POMT2: variants seen among roughly 807,000 people sequenced by gnomAD.
POMT2 encodes the protein protein O-mannosyl-transferase 2.
In POMT2, 75 loss-of-function variants were observed where a neutral mutation model predicts 100.0. That is an observed-to-expected ratio of 0.75 (90% CI 0.62 to 0.91). The LOEUF is 0.91. Ranked by LOEUF, POMT2 falls within the 40% of genes least tolerant of loss-of-function variation. The pLI is 0.00. For synonymous variants in POMT2, 378 were observed against 374.1 expected (o/e 1.01, Z -0.12); for missense variants, 940 against 955.1 (o/e 0.98, Z 0.21).
chr14:77,316,956 C>T (rs547298965), intron 1 of POMT2, among the ~76,000 whole-genome samples: 1 of 152,334 alleles, frequency 6.6e-6, no homozygotes, highest in East Asian at 1.9e-4. Flanking sequence ...GGATCACTCA[C>T]GTAGGTGCCC....
At chr14:77,287,053 G>A (rs910291933) in intron 11 of POMT2, 14 of 788,396 alleles carry the variant, frequency 1.8e-5, no homozygotes, top group South Asian at 1.1e-4. Flanking sequence ...AGCACTGGAC[G>A]GCATGCCAAG....
At chr14:77,309,296 T>C (rs1891354933) in intron 2 of POMT2, among the ~76,000 whole-genome samples, 1 of 152,256 alleles carries the variant, frequency 6.6e-6, no homozygotes, top group Non-Finnish European at 1.5e-5. Flanking sequence ...GTCTACTACG[T>C]GCAGGCTTTT....
chr14:77,280,957 A>C (rs796693374), intron 15 of POMT2, among the ~76,000 whole-genome samples: 1 of 152,104 alleles, frequency 6.6e-6, no homozygotes, highest in African/African-American at 2.4e-5. Flanking sequence ...AGCTGAGCGT[A>C]GCGGTGGGTG....
At chr14:77,296,975 T>C (rs1216564555) in intron 8 of POMT2, among the ~76,000 whole-genome samples, 1 of 152,170 alleles carries the variant, frequency 6.6e-6, no homozygotes. Flanking sequence ...ACAAGGAAGA[T>C]GGCTTCACAC....
intron 9 of POMT2, among the ~76,000 whole-genome samples, chr14:77,292,930 C>T (rs971200408): frequency 6.6e-6 from 1 of 152,130 alleles, no homozygotes. Context: ...GTTCACCCAA[C>T]GATCAAATCA....
At chr14:77,320,213 T>G in intron 1 of POMT2, 4 of 721,150 alleles carry the variant, frequency 5.5e-6, no homozygotes, top group Non-Finnish European at 9.2e-6. Flanking sequence ...GAGGGCTGCT[T>G]CCTCAGATAC....
rs1890402746 is a variant in POMT2, at chr14:77,285,693, C to T, written c.1333-61G>A. 1.9e-6 allele frequency: 3 copies of T among 1,562,064 alleles called. No individual in the cohort carries two copies. In the South Asian group the frequency reaches 3.3e-5, roughly 17 times the overall value. Reference sequence around the variant, plus strand: ...TGAGGGGACTTTAGAGAAAACGTGTCAGAAAGGGAAATGGCCACCCAGATG... The same window carrying T: ...TGAGGGGACTTTAGAGAAAACGTGTTAGAAAGGGAAATGGCCACCCAGATG... On this transcript the variant is annotated intron_variant, in intron 12 of 20. Transcript: ENST00000261534.
intron 8 of POMT2, among the ~76,000 whole-genome samples, chr14:77,297,406 C>A (rs1890871633): frequency 6.6e-6 from 1 of 152,198 alleles, no homozygotes; most frequent in Non-Finnish European, 1.5e-5. Flanking sequence ...ACAGCTACTG[C>A]CACAGCATCA....
At chr14:77,282,474 T>C (rs1826174439) in intron 15 of POMT2, among the ~76,000 whole-genome samples, 2 of 152,198 alleles carry the variant, frequency 1.3e-5, no homozygotes, top group South Asian at 4.1e-4. Flanking sequence ...CTTTGTTGGC[T>C]GAATAAGAAA....
intron 18 of POMT2, chr14:77,279,345 C>G: frequency 2.7e-6 from 1 of 366,794 alleles, no homozygotes; most frequent in Non-Finnish European, 5.3e-6. Flanking sequence ...GGTCTGGCAG[C>G]CAAAGTTACC....
intron 18 of POMT2, chr14:77,279,578 C>G (rs1301030739): frequency 3.1e-6 from 2 of 639,848 alleles, no homozygotes; most frequent in African/African-American, 1.8e-5. Flanking sequence ...CTCATGGTTC[C>G]TTGGTTTCCT....
At chr14:77,289,818 G>A (rs927432638) in intron 10 of POMT2, among the ~76,000 whole-genome samples, 9 of 152,146 alleles carry the variant, frequency 5.9e-5, no homozygotes, top group Admixed American at 5.9e-4. Context: ...GTGATGACAT[G>A]GAAAAGGAGC....
chr14:77,295,255 T>C (rs983887262), intron 9 of POMT2, among the ~76,000 whole-genome samples: 6 of 152,220 alleles, frequency 3.9e-5, no homozygotes, highest in Admixed American at 1.3e-4. Context: ...TAATCTTTCA[T>C]AAGCACTTCA....
At chr14:77,317,043 C>T (rs890808401) in intron 1 of POMT2, among the ~76,000 whole-genome samples, 7 of 152,196 alleles carry the variant, frequency 4.6e-5, no homozygotes, top group African/African-American at 1.7e-4. Flanking sequence ...AGACTGCTGC[C>T]ATAGCCACCT....
intron 8 of POMT2, 108 bp from the exon 9 acceptor site, chr14:77,296,381 T>C: frequency 1.3e-6 from 1 of 758,870 alleles, no homozygotes; most frequent in Non-Finnish European, 2.3e-6. Context: ...TCTGCGAGAC[T>C]CCCCTGGGCC....
At position 77,285,017 on chromosome 14, in the gene POMT2, A is replaced by T; in HGVS notation, c.1509T>A (p.Thr503=). ...PKWGWEQLEV[T]CTPYLKETLN... Reference sequence around the variant, plus strand: ...GGGTTTCTTTCAGGTATGGGGTGCAAGTAACTTCCAACTGCTCCCAGCCCC... The same window carrying T: ...GGGTTTCTTTCAGGTATGGGGTGCATGTAACTTCCAACTGCTCCCAGCCCC... Residue 503 remains threonine, a synonymous_variant, in exon 14 of 21, where the codon ACT becomes ACA. Transcript: ENST00000261534. 1 of 1,613,266 alleles carries T rather than the reference A, an allele frequency of 6.2e-7. No homozygotes were observed. Among genetic ancestry groups the T allele is most frequent in the Non-Finnish European group, 8.5e-7 (1 of 1,179,234 alleles).
intron 1 of POMT2, among the ~76,000 whole-genome samples, chr14:77,314,541 T>A (rs929835161): frequency 6.6e-6 from 1 of 152,126 alleles, no homozygotes; most frequent in Admixed American, 6.5e-5. Flanking sequence ...AGGAGAGACA[T>A]AGTCTTTGGT....
intron 14 of POMT2, 121 bp downstream of exon 14, chr14:77,284,829 C>T: frequency 1.2e-6 from 1 of 855,356 alleles, no homozygotes; most frequent in Non-Finnish European, 1.9e-6. Context: ...AGAGTGTTAA[C>T]AAGGAACAAA....
intron 1 of POMT2, among the ~76,000 whole-genome samples, chr14:77,313,068 T>C (rs1891497457): frequency 6.6e-6 from 1 of 152,234 alleles, no homozygotes; most frequent in Admixed American, 6.5e-5. Flanking sequence ...ACACCATACA[T>C]GAGGGCTTTG....
Sources: allele counts gnomAD v4.1 joint callset (sites outside exome capture counted in the v4.1 genomes callset), GRCh38; gene constraint gnomAD v4.1.1; transcripts MANE v1.5; gene names NCBI Gene and HGNC (gene_info 2026-07-23, HGNC 2026-07-21).